The following POU6F2 variants were observed in gnomAD, a reference collection of about 807,000 sequenced individuals.
POU6F2 encodes POU class 6 homeobox 2.
A neutral mutation model predicts 71.3 loss-of-function variants in POU6F2; 31 were observed. The ratio of observed to expected loss-of-function variants is 0.43; its 90% CI spans 0.33 to 0.59. The LOEUF is 0.59. Among genes scored for constraint, POU6F2 ranks in the 20% least tolerant of loss-of-function variants. POU6F2 has a pLI of 0.04. For missense variants in POU6F2, 783 were observed against 856.8 expected (o/e 0.91, Z 1.07); for synonymous variants, 347 against 355.7 (o/e 0.98, Z 0.27).
intron 1 of POU6F2, among the ~76,000 whole-genome samples, chr7:39,014,760 T>C (rs1229058): frequency 0.99 from 150,673 of 152,248 alleles, 74,577 homozygotes; most frequent in East Asian, 1. Context: ...TTCCTCCTAA[T>C]GTCAAAGGTC....
chr7:38,989,645 T>C (rs903277762), intron 1 of POU6F2, among the ~76,000 whole-genome samples: 2 of 152,168 alleles, frequency 1.3e-5, no homozygotes, highest in African/African-American at 2.4e-5. Flanking sequence ...CTGTTAAAAG[T>C]ATTCTTTAAC....
At chr7:39,006,267 C>T (rs1789066117) in intron 1 of POU6F2, among the ~76,000 whole-genome samples, 1 of 152,036 alleles carries the variant, frequency 6.6e-6, no homozygotes, top group Admixed American at 6.6e-5. Flanking sequence ...AGTTTGAGGC[C>T]AGCCTGGCCA....
intron 4 of POU6F2, among the ~76,000 whole-genome samples, chr7:39,271,807 T>G (rs1379554798): frequency 1.3e-5 from 2 of 151,936 alleles, no homozygotes; most frequent in Non-Finnish European, 2.9e-5. Context: ...AAATCGTCAT[T>G]CAACTTATTT....
At chr7:39,404,905 A>G (rs1462639890) in intron 5 of POU6F2, 1 of 152,242 alleles carries the variant, frequency 6.6e-6, no homozygotes, top group Non-Finnish European at 1.5e-5. Context: ...GACATACTCC[A>G]AAAATCAAAA....
intron 8 of POU6F2, among the ~76,000 whole-genome samples, chr7:39,457,815 C>T (rs1788838630): frequency 6.6e-6 from 1 of 152,144 alleles, no homozygotes; most frequent in African/African-American, 2.4e-5. Context: ...TTTCAAACCT[C>T]CATGCTCACA....
At chr7:38,985,385 G>A (rs902102385) in intron 1 of POU6F2, among the ~76,000 whole-genome samples, 4 of 152,018 alleles carry the variant, frequency 2.6e-5, no homozygotes, top group African/African-American at 9.7e-5. Flanking sequence ...TCATCATTAT[G>A]GTCAGGGCGA....
intron 1 of POU6F2, among the ~76,000 whole-genome samples, chr7:38,990,248 TA>T (rs78705985): frequency 6.6e-6 from 1 of 151,874 alleles, no homozygotes; most frequent in African/African-American, 2.4e-5. Context: ...TTGGAAAACT[TA>T]AAAAAAATCC....
chr7:39,387,419 C>T (rs913948608), intron 5 of POU6F2, among the ~76,000 whole-genome samples: 3 of 152,174 alleles, frequency 2.0e-5, no homozygotes, highest in Non-Finnish European at 4.4e-5. Context: ...ATGGCAGAAC[C>T]CAGGAAAACC....
intron 6 of POU6F2, among the ~76,000 whole-genome samples, chr7:39,419,019 A>G (rs1277465118): frequency 1.5e-5 from 2 of 136,830 alleles, no homozygotes; most frequent in South Asian, 2.2e-4. Context: ...ATATATGTAT[A>G]TATATGTGTG....
intron 9 of POU6F2, among the ~76,000 whole-genome samples, chr7:39,462,582 G>A (rs779746087): frequency 3.9e-5 from 6 of 152,170 alleles, no homozygotes; most frequent in South Asian, 2.1e-4. Context: ...CTGTTGTGAC[G>A]CTATCAAATA....
chr7:39,275,134 T>C (rs992534100), intron 4 of POU6F2, among the ~76,000 whole-genome samples: 2 of 152,084 alleles, frequency 1.3e-5, no homozygotes, highest in Admixed American at 6.5e-5. Flanking sequence ...GATGACATGA[T>C]CGTATATCTA....
At chr7:39,212,034 T>C (rs1794152310) in intron 4 of POU6F2, among the ~76,000 whole-genome samples, 1 of 152,206 alleles carries the variant, frequency 6.6e-6, no homozygotes, top group African/African-American at 2.4e-5. Flanking sequence ...TCTAAAATTC[T>C]GACTATCCAA....
intron 1 of POU6F2, among the ~76,000 whole-genome samples, chr7:38,992,938 C>T (rs1788641496): frequency 6.6e-6 from 1 of 152,080 alleles, no homozygotes; most frequent in Admixed American, 6.6e-5. Flanking sequence ...TTGGCAGCTT[C>T]ATGCGTACTT....
intron 6 of POU6F2, among the ~76,000 whole-genome samples, chr7:39,413,341 G>C (rs998318127): frequency 4.6e-5 from 7 of 152,134 alleles, no homozygotes; most frequent in African/African-American, 1.7e-4. Context: ...GAAGAAGCAA[G>C]ATACGAAATA....
At chr7:39,393,402 G>A (rs906871441) in intron 5 of POU6F2, among the ~76,000 whole-genome samples, 10 of 152,100 alleles carry the variant, frequency 6.6e-5, no homozygotes, top group Non-Finnish European at 1.2e-4. Context: ...GCTGCTTTTC[G>A]AATCATCTGC....
chr7:39,411,530 C>G (rs533101942), intron 6 of POU6F2, among the ~76,000 whole-genome samples: 5 of 151,992 alleles, frequency 3.3e-5, no homozygotes, highest in African/African-American at 1.2e-4. Context: ...AAAAGCCAGT[C>G]AAGGGGGGGG....
chr7:39,278,303 G>A (rs1007230723), intron 4 of POU6F2, among the ~76,000 whole-genome samples: 3 of 152,146 alleles, frequency 2.0e-5, no homozygotes, highest in Non-Finnish European at 4.4e-5. Flanking sequence ...CATAGATCCA[G>A]GCCCAGGAGA....
chr7:39,449,776 T>TA (rs919582404), intron 7 of POU6F2, among the ~76,000 whole-genome samples: 1 of 151,866 alleles, frequency 6.6e-6, no homozygotes. Context: ...ATTCAGCAAT[T>TA]AAAAAAAACT....
rs141739780 is a variant in POU6F2, at chr7:39,026,752, A to C, written c.105+48694A>C. 3.0e-3 allele frequency among the ~76,000 whole-genome samples: 460 copies of C among 152,230 alleles called. 2 individuals are homozygous for C. The highest frequency in any genetic ancestry group is 0.015 in the South Asian group (70 of 4,816). On this transcript the variant is annotated intron_variant, in intron 1 of 9. Coordinates refer to ENST00000518318, the MANE Select transcript of POU6F2 (RefSeq NM_001370959.1). ...GTACCCTAAAACTTAAAGTGTAATA[A>C]TTTTTAAAAAAACCTTTGCATTATC...
Sources: allele counts gnomAD v4.1 joint callset (sites outside exome capture counted in the v4.1 genomes callset), GRCh38; gene constraint gnomAD v4.1.1; transcripts MANE v1.5; gene names NCBI Gene and HGNC (gene_info 2026-07-23, HGNC 2026-07-21).